FAM171B: variants seen among roughly 807,000 people sequenced by gnomAD.
The protein encoded by FAM171B is protein FAM171B.
FAM171B carries 19 observed loss-of-function variants against 75.6 expected under a neutral mutation model. The observed-to-expected ratio is 0.25, with a 90% CI of 0.18 to 0.37. The LOEUF is 0.37. Ranked by LOEUF, FAM171B falls within the 10% of genes least tolerant of loss-of-function variation. The probability of loss-of-function intolerance (pLI) is 1.00; values close to 1 mark genes in which losing one functional copy is unlikely to be tolerated. For missense variants in FAM171B, 848 were observed against 982.4 expected, an observed-to-expected ratio of 0.86 and a Z score of 1.83; for synonymous variants, 367 against 361.7, an observed-to-expected ratio of 1.01 and a Z score of -0.17.
At chr2:186,740,550 G>A in intron 2 of FAM171B, 89 bp downstream of exon 2, 4 of 1,154,650 alleles carry the variant, frequency 3.5e-6, no homozygotes, top group Non-Finnish European at 4.9e-6. Context: ...GTTCTGGTAA[G>A]CTGAAAATGA....
At chr2:186,697,703 G>C (rs1186233559) in intron 1 of FAM171B, among the ~76,000 whole-genome samples, 1 of 152,056 alleles carries the variant, frequency 6.6e-6, no homozygotes. Context: ...CTTTTCTCAG[G>C]CAAAATTTAG....
chr2:186,730,047 C>T (rs1202581555), intron 1 of FAM171B, among the ~76,000 whole-genome samples: 7 of 152,280 alleles, frequency 4.6e-5, no homozygotes, highest in South Asian at 2.1e-4. Context: ...CTGCAACCTC[C>T]GCCTCTGGGT....
chr2:186,714,810 G>A (rs1689853408), intron 1 of FAM171B, among the ~76,000 whole-genome samples: 1 of 152,154 alleles, frequency 6.6e-6, no homozygotes, highest in South Asian at 2.1e-4. Flanking sequence ...ATAAATGTTT[G>A]CTTCTTGATC....
chr2:186,725,076 G>GGCTCACGCCTGTAATCC (rs1690010581), intron 1 of FAM171B, among the ~76,000 whole-genome samples: 1 of 152,106 alleles, frequency 6.6e-6, no homozygotes, highest in Admixed American at 6.5e-5. Flanking sequence ...CAGGCGCGAT[G>GGCTCACGCCTGTAATCC]GCTCACGCCT....
chr2:186,747,162 C>T lies in FAM171B; in HGVS notation c.636C>T (p.Ser212=). 1 of 1,608,642 alleles carries T rather than the reference C, an allele frequency of 6.2e-7. No individual in the cohort carries two copies. The highest frequency in any genetic ancestry group is 8.5e-7 in the Non-Finnish European group (1 of 1,177,780). ...AACTTCCTGACAACCATCATATTAG[C>T]AACGTTACTGGCTATCTTACAGTTC... ...LIKLPDNHHI[S]NVTGYLTVLQ... Residue 212 remains serine (S), a synonymous_variant, in exon 4 of 8, where the codon AGC becomes AGT. Transcript: ENST00000304698.
At chr2:186,705,196 T>C (rs1433592024) in intron 1 of FAM171B, among the ~76,000 whole-genome samples, 1 of 152,230 alleles carries the variant, frequency 6.6e-6, no homozygotes, top group Non-Finnish European at 1.5e-5. Context: ...GTCATATTTA[T>C]ACTTACTTTT....
At chr2:186,734,084 G>T (rs1209328603) in intron 1 of FAM171B, among the ~76,000 whole-genome samples, 1 of 152,218 alleles carries the variant, frequency 6.6e-6, no homozygotes, top group Non-Finnish European at 1.5e-5. Flanking sequence ...ACTGGAGGGT[G>T]AGCAAGGTGA....
intron 1 of FAM171B, among the ~76,000 whole-genome samples, chr2:186,730,263 G>T (rs1223280792): frequency 2.6e-5 from 4 of 152,202 alleles, no homozygotes; most frequent in African/African-American, 9.6e-5. Context: ...CTGGCCAGCT[G>T]TGCAGTTTTA....
Position 186,743,555 on chromosome 2 carries a change from T to C in FAM171B, c.545T>C (p.Leu182Ser), listed in dbSNP as rs745333347. 5 of 1,612,066 alleles carry C rather than the reference T, an allele frequency of 3.1e-6. No homozygotes were observed. Among genetic ancestry groups the C allele is most frequent in the Non-Finnish European group, 4.2e-6 (5 of 1,178,298 alleles). ...ATATGGCTATTTGAAGACACTGTTT[T>C]AATTACTGGAAAATTAGCTGGTAAG... The part of the protein sequence containing the change: ...ANIWLFEDTV[L>S]ITGKLADAKS... Residue 182 changes from leucine to serine, a missense_variant, in exon 3 of 8, where the codon TTA becomes TCA. Physicochemically the swap from Leu to Ser is moderately radical, Grantham distance 145. This residue lies in a region of FAM171B where 665 missense variants were observed against 729.0 expected (regional missense o/e 0.91). Coordinates refer to ENST00000304698, the MANE Select transcript of FAM171B (RefSeq NM_177454.4).
chr2:186,732,466 G>T (rs1653522720), intron 1 of FAM171B, among the ~76,000 whole-genome samples: 1 of 152,200 alleles, frequency 6.6e-6, no homozygotes, highest in African/African-American at 2.4e-5. Context: ...CTTCCTAGAA[G>T]AAAGAATTCA....
intron 5 of FAM171B, among the ~76,000 whole-genome samples, chr2:186,752,372 A>C (rs1690469451): frequency 6.6e-6 from 1 of 152,210 alleles, no homozygotes; most frequent in African/African-American, 2.4e-5. Context: ...ATACGTTTTC[A>C]CTATAGAGAA....
chr2:186,704,534 C>A (rs564717983), intron 1 of FAM171B, among the ~76,000 whole-genome samples: 15 of 152,108 alleles, frequency 9.9e-5, no homozygotes, highest in Middle Eastern at 3.4e-3. Context: ...AAGGTAGACA[C>A]CCTTAAAAGA....
intron 3 of FAM171B, 72 bp downstream of exon 3, chr2:186,743,647 T>C (rs1690325711): frequency 9.7e-7 from 1 of 1,031,226 alleles, no homozygotes; most frequent in African/African-American, 1.6e-5. Context: ...TCACTAAGAA[T>C]CAGTGTGAAT....
chr2:186,728,209 T>A (rs1690062945), intron 1 of FAM171B, among the ~76,000 whole-genome samples: 1 of 152,182 alleles, frequency 6.6e-6, no homozygotes, highest in African/African-American at 2.4e-5. Flanking sequence ...TTTTTGATAC[T>A]TAGAGGAATT....
chr2:186,700,819 T>C (rs560341538), intron 1 of FAM171B, among the ~76,000 whole-genome samples: 1 of 152,352 alleles, frequency 6.6e-6, no homozygotes, highest in East Asian at 1.9e-4. Flanking sequence ...ATATTCTATG[T>C]AGCAGGAACT....
chr2:186,733,941 C>T (rs1690160189), intron 1 of FAM171B, among the ~76,000 whole-genome samples: 2 of 152,186 alleles, frequency 1.3e-5, no homozygotes, highest in Admixed American at 1.3e-4. Flanking sequence ...CTTCTCTTTC[C>T]TTCTTGTCAC....
intron 1 of FAM171B, among the ~76,000 whole-genome samples, chr2:186,729,982 A>AGT (rs1350549566): frequency 6.6e-6 from 1 of 151,796 alleles, no homozygotes; most frequent in African/African-American, 2.4e-5. Context: ...TTTGAGACAG[A>AGT]GTCTCTCTCT....
chr2:186,706,494 A>G (rs941253105), intron 1 of FAM171B, among the ~76,000 whole-genome samples: 3 of 152,264 alleles, frequency 2.0e-5, no homozygotes, highest in Admixed American at 2.0e-4. Flanking sequence ...CACTAGCTCT[A>G]TCTTAACAGA....
chr2:186,722,053 A>G (rs140933479), intron 1 of FAM171B, among the ~76,000 whole-genome samples: 2 of 152,362 alleles, frequency 1.3e-5, no homozygotes, highest in South Asian at 2.1e-4. Flanking sequence ...ACACAGCTTT[A>G]CAAAGAACAA....
Sources: gnomAD v4.1 joint callset for allele counts (sites outside exome capture counted in the v4.1 genomes callset) on GRCh38, gnomAD v4.1.1 for gene constraint, gnomAD v4.1.1 regional missense constraint, MANE v1.5 for transcripts, NCBI Gene and HGNC (gene_info 2026-07-23, HGNC 2026-07-21) for gene names.